PHF24: variants seen among roughly 807,000 people sequenced by gnomAD.
PHF24 encodes PHD finger protein 24, also known as Galpha inhibitory interacting protein.
Under a neutral mutation model 42.6 loss-of-function variants are expected in PHF24, and 25 were observed. The ratio of observed to expected loss-of-function variants is 0.59; its 90% CI spans 0.43 to 0.82. The LOEUF is 0.82. PHF24 is among the 40% of genes least tolerant of loss of function. PHF24 has a pLI of 0.00. For missense variants in PHF24, 470 were observed against 538.1 expected, an observed-to-expected ratio of 0.87 and a Z score of 1.25; for synonymous variants, 185 against 204.8, an observed-to-expected ratio of 0.90 and a Z score of 0.83.
the PHF24 span, among the ~76,000 whole-genome samples, chr9:34,878,163 A>G: frequency 6.6e-6 from 1 of 152,154 alleles, no homozygotes; most frequent in South Asian, 2.1e-4. Context: ...CAGTGGCAGG[A>G]GGGGAATATA....
chr9:34,890,208 C>T, the PHF24 span, among the ~76,000 whole-genome samples: 1 of 152,286 alleles, frequency 6.6e-6, no homozygotes, highest in East Asian at 1.9e-4. Context: ...CCCTACTCGC[C>T]CCTGAACCTT....
At chr9:34,824,589 A>C in the PHF24 span, among the ~76,000 whole-genome samples, 19 of 152,266 alleles carry the variant, frequency 1.2e-4, no homozygotes, top group East Asian at 2.7e-3. Flanking sequence ...ATCTTAGATG[A>C]GGAAGGTGTT....
At chr9:34,742,569 C>T in the PHF24 span, among the ~76,000 whole-genome samples, 1 of 152,036 alleles carries the variant, frequency 6.6e-6, no homozygotes, top group Admixed American at 6.6e-5. Context: ...ATGTGGTGTA[C>T]CTACTCTTTT....
the PHF24 span, among the ~76,000 whole-genome samples, chr9:34,856,901 G>A: frequency 1.7e-4 from 26 of 152,346 alleles, no homozygotes; most frequent in African/African-American, 4.8e-4. Flanking sequence ...TGCCCCTCCC[G>A]ATGGGGACTC....
upstream of PHF24, among the ~76,000 whole-genome samples, chr9:34,956,747 A>G: frequency 6.6e-6 from 1 of 152,270 alleles, no homozygotes; most frequent in East Asian, 1.9e-4. Flanking sequence ...GGACCCCCAG[A>G]CTATATGGAA....
At chr9:34,802,947 T>C in the PHF24 span, among the ~76,000 whole-genome samples, 7 of 152,178 alleles carry the variant, frequency 4.6e-5, no homozygotes, top group Non-Finnish European at 8.8e-5. Context: ...AGAATTCTAA[T>C]AGACCCTGAT....
intron 1 of PHF24, among the ~76,000 whole-genome samples, chr9:34,970,492 G>A (rs1826935364): frequency 6.6e-6 from 1 of 152,138 alleles, no homozygotes; most frequent in Non-Finnish European, 1.5e-5. Context: ...GTGTGACCTT[G>A]ACCACATGGA....
chr9:34,923,054 T>G, the PHF24 span: 5,380 of 382,684 alleles, frequency 0.014, 13 homozygotes, highest in South Asian at 0.032. Flanking sequence ...TTTTTGTTTT[T>G]TTTTTTTTTT....
At chr9:34,732,943 T>TAA in the PHF24 span, among the ~76,000 whole-genome samples, 2 of 152,228 alleles carry the variant, frequency 1.3e-5, no homozygotes, top group African/African-American at 4.8e-5. Context: ...TATCCGTGGA[T>TAA]ATTTCTTTAA....
chr9:34,774,200 A>G, the PHF24 span, among the ~76,000 whole-genome samples: 1 of 152,244 alleles, frequency 6.6e-6, no homozygotes, highest in African/African-American at 2.4e-5. Flanking sequence ...TTTCTTGGCT[A>G]TGACACCAAA....
At chr9:34,949,757 C>T in the PHF24 span, among the ~76,000 whole-genome samples, 13 of 151,904 alleles carry the variant, frequency 8.6e-5, no homozygotes, top group Admixed American at 6.6e-4. Flanking sequence ...GAACAGAAAA[C>T]CAAACACCGC....
At chr9:34,694,578 C>A in the PHF24 span, among the ~76,000 whole-genome samples, 3 of 152,124 alleles carry the variant, frequency 2.0e-5, no homozygotes, top group Admixed American at 6.5e-5. Flanking sequence ...GGTGATCCAC[C>A]TGCTTTGGCC....
the PHF24 span, among the ~76,000 whole-genome samples, chr9:34,720,362 G>A: frequency 1.4e-4 from 21 of 151,446 alleles, no homozygotes; most frequent in East Asian, 1.2e-3. Context: ...GGAGAATGGC[G>A]TGAACCCGGG....
upstream of PHF24, chr9:34,957,842 C>G (rs1039478193): frequency 6.6e-6 from 1 of 152,318 alleles, no homozygotes; most frequent in East Asian, 1.9e-4. Flanking sequence ...CACCCAACCC[C>G]CGGCGCGGAA....
chr9:34,758,770 G>T, the PHF24 span, among the ~76,000 whole-genome samples: 1 of 152,124 alleles, frequency 6.6e-6, no homozygotes, highest in Admixed American at 6.5e-5. The surrounding 1 kb of genome is among the most constrained non-coding windows in gnomAD (Gnocchi z 4.4). Context: ...ATATTAGGCA[G>T]CTCTCTATAC....
At chr9:34,940,209 G>A in the PHF24 span, among the ~76,000 whole-genome samples, 1 of 152,172 alleles carries the variant, frequency 6.6e-6, no homozygotes, top group East Asian at 1.9e-4. Flanking sequence ...GCTAAAAGCA[G>A]ACTTTGAGGG....
chr9:34,869,511 T>C, the PHF24 span, among the ~76,000 whole-genome samples: 3 of 152,202 alleles, frequency 2.0e-5, no homozygotes, highest in Non-Finnish European at 2.9e-5. Context: ...ATGAGTGATG[T>C]TGAGCTTTTT....
the PHF24 span, among the ~76,000 whole-genome samples, chr9:34,885,975 G>T: frequency 6.6e-6 from 1 of 151,610 alleles, no homozygotes; most frequent in Non-Finnish European, 1.5e-5. Context: ...CTCCTCACTC[G>T]TCCCTCTGGG....
At chr9:34,755,447 C>T in the PHF24 span, among the ~76,000 whole-genome samples, 1 of 151,548 alleles carries the variant, frequency 6.6e-6, no homozygotes, top group East Asian at 1.9e-4. Context: ...GAGATGATAC[C>T]TCATTTTGGT....
Sources: gnomAD v4.1 joint callset for allele counts (sites outside exome capture counted in the v4.1 genomes callset) on GRCh38, gnomAD v4.1.1 for gene constraint, Gnocchi (gnomAD v3.1) non-coding constraint, MANE v1.5 for transcripts, NCBI Gene and HGNC (gene_info 2026-07-23, HGNC 2026-07-21) for gene names.